The following NR6A1 variants were observed in gnomAD, a reference collection of about 807,000 sequenced individuals.
NR6A1 encodes nuclear receptor subfamily 6 group A member 1.
A neutral mutation model predicts 59.1 loss-of-function variants in NR6A1; 7 were observed. That is an observed-to-expected ratio of 0.12 (90% CI 0.07 to 0.22). NR6A1 has a LOEUF of 0.22. Ranked by LOEUF, NR6A1 falls within the 10% of genes least tolerant of loss-of-function variation. The probability of loss-of-function intolerance (pLI) is 1.00; values close to 1 mark genes in which losing one functional copy is unlikely to be tolerated. For missense variants in NR6A1, 468 were observed against 611.6 expected (o/e 0.77, Z 2.48); for synonymous variants, 243 against 236.1 (o/e 1.03, Z -0.27).
intron 3 of NR6A1, among the ~76,000 whole-genome samples, chr9:124,544,318 T>C (rs1273980975): frequency 6.6e-6 from 1 of 152,224 alleles, no homozygotes; most frequent in African/African-American, 2.4e-5. Flanking sequence ...TTGACCTCAA[T>C]GGTTTCTCCC....
At chr9:124,705,583 G>A (rs893044201) in intron 2 of NR6A1, among the ~76,000 whole-genome samples, 2 of 152,134 alleles carry the variant, frequency 1.3e-5, no homozygotes, top group Admixed American at 6.5e-5. Flanking sequence ...TGAACTGACA[G>A]CATAGAGCTG....
intron 2 of NR6A1, among the ~76,000 whole-genome samples, chr9:124,619,527 C>G (rs910502314): frequency 6.6e-6 from 1 of 152,054 alleles, no homozygotes. Context: ...CCTCCCAAAG[C>G]GCTGGGGTTA....
intron 2 of NR6A1, among the ~76,000 whole-genome samples, chr9:124,560,418 CAT>C (rs1697092206): frequency 6.6e-6 from 1 of 152,156 alleles, no homozygotes; most frequent in African/African-American, 2.4e-5. Context: ...TTCTTGTCTA[CAT>C]GTGTGGTCGG....
intron 2 of NR6A1, among the ~76,000 whole-genome samples, chr9:124,712,989 C>G (rs73585406): frequency 0.018 from 2,767 of 152,198 alleles, 78 homozygotes; most frequent in African/African-American, 0.062. Flanking sequence ...CTACAAAAAC[C>G]CTACAGCTTC....
intron 2 of NR6A1, among the ~76,000 whole-genome samples, chr9:124,723,540 T>C (rs370598992): frequency 2.0e-5 from 3 of 152,210 alleles, no homozygotes; most frequent in Non-Finnish European, 2.9e-5. Context: ...AACTATTTAC[T>C]TGAAGCAGTA....
chr9:124,530,829 A>G (rs1439676131), intron 7 of NR6A1, among the ~76,000 whole-genome samples: 4 of 152,250 alleles, frequency 2.6e-5, no homozygotes, highest in African/African-American at 9.6e-5. Context: ...TGGGAAAATA[A>G]GAATTTAGTA....
At chr9:124,646,473 C>T (rs543497975) in intron 2 of NR6A1, among the ~76,000 whole-genome samples, 1 of 152,266 alleles carries the variant, frequency 6.6e-6, no homozygotes, top group South Asian at 2.1e-4. Flanking sequence ...TAGGGGACCT[C>T]ACTATGGATC....
chr9:124,725,122 G>A (rs1839673786), intron 2 of NR6A1, among the ~76,000 whole-genome samples: 1 of 152,144 alleles, frequency 6.6e-6, no homozygotes, highest in African/African-American at 2.4e-5. Flanking sequence ...AAAAACTCGG[G>A]GAGCAGGGCA....
intron 3 of NR6A1, among the ~76,000 whole-genome samples, chr9:124,548,729 C>T (rs1037186113): frequency 3.3e-5 from 5 of 152,184 alleles, no homozygotes; most frequent in African/African-American, 1.2e-4. Context: ...CAAACATCAC[C>T]TCCTCCAAGA....
intron 2 of NR6A1, among the ~76,000 whole-genome samples, chr9:124,714,370 G>T (rs1258664872): frequency 1.3e-5 from 2 of 152,120 alleles, no homozygotes; most frequent in Non-Finnish European, 2.9e-5. Flanking sequence ...TTTAAATATG[G>T]TTAAGATGGT....
chr9:124,595,323 C>A (rs1376702121), intron 2 of NR6A1, among the ~76,000 whole-genome samples: 1 of 152,150 alleles, frequency 6.6e-6, no homozygotes, highest in Non-Finnish European at 1.5e-5. Context: ...GGCCTCATGA[C>A]CCCAATTCTA....
At chr9:124,622,646 T>C (rs1433846190) in intron 2 of NR6A1, among the ~76,000 whole-genome samples, 1 of 152,182 alleles carries the variant, frequency 6.6e-6, no homozygotes, top group African/African-American at 2.4e-5. Flanking sequence ...CTTGATATAT[T>C]TTTTCAGGAT....
chr9:124,582,579 T>TAAA (rs1011600360), intron 2 of NR6A1, among the ~76,000 whole-genome samples: 6 of 142,212 alleles, frequency 4.2e-5, no homozygotes, highest in African/African-American at 1.5e-4. Context: ...ACTTAAAAGT[T>TAAA]AAAAAAAAAA....
chr9:124,702,949 G>A (rs563239453), intron 2 of NR6A1, among the ~76,000 whole-genome samples: 10 of 151,344 alleles, frequency 6.6e-5, no homozygotes, highest in African/African-American at 2.2e-4. Context: ...CACCCAGGCT[G>A]GAGTGCAGTG....
At chr9:124,588,408 C>T (rs968852801) in intron 2 of NR6A1, among the ~76,000 whole-genome samples, 1 of 151,662 alleles carries the variant, frequency 6.6e-6, no homozygotes, top group Non-Finnish European at 1.5e-5. Flanking sequence ...TCCGGGTTCA[C>T]GCCATTCTCC....
chr9:124,712,139 T>C (rs1839296665), intron 2 of NR6A1, among the ~76,000 whole-genome samples: 1 of 152,190 alleles, frequency 6.6e-6, no homozygotes, highest in Non-Finnish European at 1.5e-5. Context: ...TTCTCACCTC[T>C]GTGCTTCCAG....
chr9:124,758,022 CTTCTT>C (rs1840683627), intron 1 of NR6A1, among the ~76,000 whole-genome samples: 1 of 152,232 alleles, frequency 6.6e-6, no homozygotes, highest in African/African-American at 2.4e-5. Flanking sequence ...GTTAAATGCA[CTTCTT>C]CACAGCAGTA....
chr9:124,752,608 C>G (rs1024834051), intron 1 of NR6A1, among the ~76,000 whole-genome samples: 2 of 152,058 alleles, frequency 1.3e-5, no homozygotes, highest in Non-Finnish European at 2.9e-5. Context: ...GCTCACTTTT[C>G]CAACATTATC....
intron 2 of NR6A1, among the ~76,000 whole-genome samples, chr9:124,676,107 A>C (rs1306421478): frequency 6.6e-6 from 1 of 152,206 alleles, no homozygotes; most frequent in Non-Finnish European, 1.5e-5. Flanking sequence ...CCAGGAGAAT[A>C]AGTTCTTAGG....
Sources: gnomAD v4.1 joint callset for allele counts (sites outside exome capture counted in the v4.1 genomes callset) on GRCh38, gnomAD v4.1.1 for gene constraint, MANE v1.5 for transcripts, NCBI Gene and HGNC (gene_info 2026-07-23, HGNC 2026-07-21) for gene names.